NBPF11: variants seen among roughly 807,000 people sequenced by gnomAD.
The protein encoded by NBPF11 is NBPF family member NBPF11.
In NBPF11, 72 loss-of-function variants were observed where a neutral mutation model predicts 93.9. The observed-to-expected ratio is 0.77, with a 90% confidence interval of 0.63 to 0.93. NBPF11 has a LOEUF of 0.93. Among genes scored for constraint, NBPF11 ranks in the 40% least tolerant of loss-of-function variants. The pLI, the probability that NBPF11 is intolerant of heterozygous loss-of-function variation, is 0.00. For missense variants in NBPF11, 705 were observed against 802.2 expected, an observed-to-expected ratio of 0.88 and a Z score of 1.46; for synonymous variants, 224 against 304.9, an observed-to-expected ratio of 0.73 and a Z score of 2.76.
At chr1:148,146,409 G>A (rs1475844480) in intron 1 of NBPF11, 13 of 1,601,662 alleles carry the variant, frequency 8.1e-6, no homozygotes, top group Middle Eastern at 4.5e-4. Context: ...ACGGGCTGTC[G>A]CTGAGTGAGC....
intron 3 of NBPF11, among the ~76,000 whole-genome samples, chr1:148,137,046 G>A (rs1671413413): frequency 6.6e-6 from 1 of 151,860 alleles, no homozygotes; most frequent in Admixed American, 6.5e-5. Context: ...TTCTGAAATG[G>A]TCCCCAAACA....
chr1:148,125,762 C>T (rs1553272904), intron 5 of NBPF11, among the ~76,000 whole-genome samples: 24,050 of 151,304 alleles, frequency 0.16, 2,166 homozygotes, highest in East Asian at 0.28. Context: ...CAGAGGTAGG[C>T]ATTATTGTAG....
chr1:148,103,947 G>T (rs1250416642), intron 23 of NBPF11, 35 bp from the exon 24 acceptor site: 2 of 1,610,406 alleles, frequency 1.2e-6, no homozygotes, highest in African/African-American at 1.3e-5. Flanking sequence ...AAGCAGCCAG[G>T]GAAAATCAGA....
intron 1 of NBPF11, chr1:148,146,444 C>A (rs1673095699): frequency 6.2e-7 from 1 of 1,604,330 alleles, no homozygotes; most frequent in Admixed American, 1.7e-5. Flanking sequence ...TGCTGCCCTC[C>A]CTGCCCCGGC....
intron 14 of NBPF11, among the ~76,000 whole-genome samples, chr1:148,115,250 G>C (rs1272720257): frequency 1.3e-5 from 2 of 149,202 alleles, no homozygotes; most frequent in Non-Finnish European, 3.0e-5. Flanking sequence ...GCATTGACAG[G>C]GTGGAGAACC....
chr1:148,112,127 T>G (rs2149197266), intron 15 of NBPF11, among the ~76,000 whole-genome samples: 1 of 140,618 alleles, frequency 7.1e-6, no homozygotes, highest in South Asian at 2.2e-4. Flanking sequence ...ATGTATAGTT[T>G]TCCTTTATTA....
At position 148,124,843 on chromosome 1, in the gene NBPF11, G is replaced by A. The variant is rs1668716235; in HGVS notation, c.278+56C>T. On this transcript the variant is annotated intron_variant, in intron 6 of 23. Transcript: ENST00000682118. ...TCTTACTTCTCCCCGCCGAGCTGCT[G>A]TACTTCAGAGATCTACACACCTACC... 6 of 1,556,462 alleles carry A rather than the reference G, an allele frequency of 3.9e-6. No individual in the cohort carries two copies. The South Asian group carries it at 5.6e-5, about 15-fold the overall frequency.
intron 2 of NBPF11, among the ~76,000 whole-genome samples, chr1:148,141,352 C>T (rs1672135946): frequency 6.6e-6 from 1 of 152,040 alleles, no homozygotes; most frequent in African/African-American, 2.4e-5. Context: ...GAATGGACCA[C>T]ACTAATACAA....
chr1:148,147,309 G>A (rs1673325879), intron 1 of NBPF11, among the ~76,000 whole-genome samples: 1 of 152,082 alleles, frequency 6.6e-6, no homozygotes, highest in East Asian at 1.9e-4. Context: ...GCCAAGTGAG[G>A]CGAGGCTGCT....
chr1:148,104,497 G>A (rs1161048605), intron 23 of NBPF11, 40 bp downstream of exon 23: 2 of 586,098 alleles, frequency 3.4e-6, no homozygotes, highest in African/African-American at 4.3e-5. Flanking sequence ...GCCTCCAGGT[G>A]TTAACACAGA....
In NBPF11 at chr1:148,108,309, T is replaced by C. The variant is rs1373297671; in HGVS notation, c.2026+173A>G. On this transcript the variant is annotated intron_variant, in intron 18 of 23. Transcript: ENST00000682118. ...GAAGAGAGCCTTGCTCACTGACCCA[T>C]CCCTTGTCTGGGCTTCCAAGTGGAA... Among the ~76,000 whole-genome samples, 498 of 151,712 alleles carry C rather than the reference T, an allele frequency of 3.3e-3. 6 individuals carry two copies. The East Asian group carries it at 0.04, about 12-fold the overall frequency.
chr1:148,122,686 A>C (rs1553271879), intron 8 of NBPF11, 43 bp downstream of exon 8: 1 of 1,604,760 alleles, frequency 6.2e-7, no homozygotes, highest in East Asian at 2.2e-5. Flanking sequence ...AGACATTTTC[A>C]TATGTTACCA....
intron 11 of NBPF11, among the ~76,000 whole-genome samples, chr1:148,118,285 C>G (rs1667032722): frequency 2.0e-5 from 3 of 151,740 alleles, no homozygotes. Flanking sequence ...GTGATTCTCA[C>G]TAGGGTAAGT....
intron 2 of NBPF11, among the ~76,000 whole-genome samples, chr1:148,139,088 T>C (rs2149285377): frequency 6.6e-6 from 1 of 150,406 alleles, no homozygotes; most frequent in Admixed American, 6.6e-5. Context: ...AATAACTCCA[T>C]CTCCAAAAAA....
chr1:148,122,613 T>C (rs1668126406), intron 8 of NBPF11, 116 bp downstream of exon 8: 5 of 1,456,890 alleles, frequency 3.4e-6, no homozygotes, highest in Non-Finnish European at 3.8e-6. Context: ...GAATTTCACA[T>C]ACTGTGGCCA....
At chr1:148,112,031 C>T (rs1248302926) in intron 15 of NBPF11, among the ~76,000 whole-genome samples, 1 of 146,766 alleles carries the variant, frequency 6.8e-6, no homozygotes, top group African/African-American at 2.6e-5. Flanking sequence ...AAAGGGAAGC[C>T]CATCAGACTA....
At chr1:148,149,786 A>AT (rs1476557229) in intron 1 of NBPF11, among the ~76,000 whole-genome samples, 1,770 of 147,916 alleles carry the variant, frequency 0.012, 61 homozygotes, top group African/African-American at 0.043. Context: ...AAGATTTAAA[A>AT]TTAAAAAAAA....
chr1:148,133,303 TTTA>T (rs1422128791), intron 4 of NBPF11, among the ~76,000 whole-genome samples: 2 of 152,026 alleles, frequency 1.3e-5, no homozygotes, highest in African/African-American at 4.8e-5. Context: ...TTTTCAATAC[TTTA>T]TTAATTTTTC....
intron 4 of NBPF11, among the ~76,000 whole-genome samples, chr1:148,131,066 G>A (rs1332641565): frequency 6.6e-6 from 1 of 150,908 alleles, no homozygotes; most frequent in Middle Eastern, 3.2e-3. Flanking sequence ...AAACTATCAT[G>A]AGCATCCATA....
Sources: gnomAD v4.1 joint callset for allele counts (sites outside exome capture counted in the v4.1 genomes callset) on GRCh38, gnomAD v4.1.1 for gene constraint, MANE v1.5 for transcripts, NCBI Gene and HGNC (gene_info 2026-07-23, HGNC 2026-07-21) for gene names.